The following MSRA variants were observed in gnomAD, a reference collection of about 807,000 sequenced individuals.
MSRA encodes mitochondrial peptide methionine sulfoxide reductase.
Under a neutral mutation model 31.3 loss-of-function variants are expected in MSRA, and 54 were observed. The ratio of observed to expected loss-of-function variants is 1.73; its 90% CI spans 1.39 to 2.17. The LOEUF (loss-of-function observed/expected upper bound fraction) is 2.17, where lower values mean the gene tolerates loss of function less well. Among genes scored for constraint, MSRA ranks in the 30% most tolerant of loss-of-function variants. The pLI, the probability that MSRA is intolerant of heterozygous loss-of-function variation, is 0.00. For synonymous variants in MSRA, 169 were observed against 116.5 expected, an observed-to-expected ratio of 1.45 and a Z score of -2.90; for missense variants, 507 against 300.9, an observed-to-expected ratio of 1.69 and a Z score of -5.07.
At chr8:10,390,662 C>T (rs1806684186) in intron 5 of MSRA, among the ~76,000 whole-genome samples, 2 of 152,132 alleles carry the variant, frequency 1.3e-5, no homozygotes, top group South Asian at 4.1e-4. Flanking sequence ...TTTGCACTGG[C>T]CTGCTGGATC....
At chr8:10,379,715 A>G (rs1409675447) in intron 5 of MSRA, among the ~76,000 whole-genome samples, 1 of 152,220 alleles carries the variant, frequency 6.6e-6, no homozygotes. Flanking sequence ...TTATTTTGTT[A>G]GGATAAATTC....
At chr8:10,091,303 TAA>T (rs1337664287) in intron 1 of MSRA, among the ~76,000 whole-genome samples, 1 of 152,254 alleles carries the variant, frequency 6.6e-6, no homozygotes, top group Non-Finnish European at 1.5e-5. Context: ...TTATGGTGTA[TAA>T]CATATTTGCA....
intron 5 of MSRA, among the ~76,000 whole-genome samples, chr8:10,358,780 G>C (rs535366033): frequency 2.7e-5 from 4 of 148,350 alleles, no homozygotes; most frequent in Admixed American, 1.3e-4. Context: ...TTTTAGTAGA[G>C]ACGGGGTTTC....
intron 1 of MSRA, among the ~76,000 whole-genome samples, chr8:10,164,553 A>G (rs1052767191): frequency 3.3e-5 from 5 of 152,218 alleles, no homozygotes; most frequent in South Asian, 2.1e-4. Flanking sequence ...AAACAACCCA[A>G]TGTCACAGAG....
intron 1 of MSRA, among the ~76,000 whole-genome samples, chr8:10,099,880 G>A (rs1478723809): frequency 6.6e-6 from 1 of 152,170 alleles, no homozygotes; most frequent in East Asian, 1.9e-4. Context: ...TTTTCCCAAA[G>A]CATCCCATAT....
Position 10,216,658 on chromosome 8 carries a change from T to G in MSRA, c.211+8757T>G, listed in dbSNP as rs114009502. The stretch of plus-strand genomic sequence containing the variant: ...GACTACTCTAGGGACCTCCTATAGA[T>G]AGAATCATGCAGTATTTACCCTTTT... On this transcript the variant is annotated intron_variant, in intron 2 of 5. Coordinates refer to ENST00000317173, the MANE Select transcript of MSRA (RefSeq NM_012331.5). Among the ~76,000 whole-genome samples the G allele has an allele frequency of 6.0e-3, 917 of 152,358 alleles. 8 individuals carry two copies. The highest frequency in any genetic ancestry group is 0.021 in the African/African-American group (882 of 41,582).
At chr8:10,072,068 A>C (rs1355016116) in intron 1 of MSRA, among the ~76,000 whole-genome samples, 1 of 35,914 alleles carries the variant, frequency 2.8e-5, no homozygotes, top group Middle Eastern at 0.015. Flanking sequence ...GGGAACAGAT[A>C]GAGCAATGAG....
intron 5 of MSRA, among the ~76,000 whole-genome samples, chr8:10,416,109 C>G (rs565987517): frequency 2.0e-5 from 3 of 152,106 alleles, no homozygotes; most frequent in Non-Finnish European, 4.4e-5. Flanking sequence ...GCACCTGGCA[C>G]GGCACCTGCT....
intron 5 of MSRA, chr8:10,337,270 C>T (rs1160173215): frequency 6.4e-6 from 1 of 155,156 alleles, no homozygotes; most frequent in Non-Finnish European, 1.4e-5. Flanking sequence ...AGCTCCACCT[C>T]GTGGGTTCAC....
At chr8:10,400,378 T>A (rs865883444) in intron 5 of MSRA, among the ~76,000 whole-genome samples, 9 of 110,260 alleles carry the variant, frequency 8.2e-5, no homozygotes, top group African/African-American at 1.2e-4. Flanking sequence ...TGTGTGTGTG[T>A]GTGTGTAGTG....
intron 5 of MSRA, among the ~76,000 whole-genome samples, chr8:10,340,434 G>A (rs1009783720): frequency 5.9e-5 from 9 of 152,214 alleles, no homozygotes; most frequent in Admixed American, 4.6e-4. Context: ...GTGCAGTGGC[G>A]TGATCTTGGC....
At chr8:10,060,298 G>C (rs1179495418) in intron 1 of MSRA, among the ~76,000 whole-genome samples, 4 of 152,222 alleles carry the variant, frequency 2.6e-5, no homozygotes, top group African/African-American at 9.7e-5. Context: ...TGGAACATCT[G>C]TGTGAATGGG....
chr8:10,331,608 T>C (rs1416147322), intron 5 of MSRA, among the ~76,000 whole-genome samples: 1 of 152,304 alleles, frequency 6.6e-6, no homozygotes, highest in East Asian at 1.9e-4. Context: ...TTTTCACCCA[T>C]GCTGTGTGGC....
chr8:10,174,686 G>T (rs1304867574), intron 1 of MSRA, among the ~76,000 whole-genome samples: 1 of 151,980 alleles, frequency 6.6e-6, no homozygotes, highest in African/African-American at 2.4e-5. Flanking sequence ...CCGCCCTCTT[G>T]CTCCATCTTT....
At chr8:10,093,973 C>A (rs1408815099) in intron 1 of MSRA, among the ~76,000 whole-genome samples, 1 of 152,226 alleles carries the variant, frequency 6.6e-6, no homozygotes. Context: ...GAGAAATCGG[C>A]TGTTAATCTT....
chr8:10,407,303 C>T (rs2129186810), intron 5 of MSRA, among the ~76,000 whole-genome samples: 1 of 152,298 alleles, frequency 6.6e-6, no homozygotes, highest in Middle Eastern at 3.4e-3. Flanking sequence ...CCCCTGGGTC[C>T]TGGGCAGGGT....
intron 1 of MSRA, among the ~76,000 whole-genome samples, chr8:10,134,565 A>T (rs561749963): frequency 1.3e-5 from 2 of 152,304 alleles, no homozygotes; most frequent in Non-Finnish European, 2.9e-5. Context: ...CGGCCAAGGG[A>T]TTCATCCTGC....
At chr8:10,425,406 C>G (rs1357398155) in intron 5 of MSRA, among the ~76,000 whole-genome samples, 2 of 152,230 alleles carry the variant, frequency 1.3e-5, no homozygotes, top group Non-Finnish European at 2.9e-5. Context: ...CCGGGCTCCC[C>G]AAGGGGGTCC....
At chr8:10,340,841 G>C (rs1302861497) in intron 5 of MSRA, among the ~76,000 whole-genome samples, 1 of 152,246 alleles carries the variant, frequency 6.6e-6, no homozygotes, top group Non-Finnish European at 1.5e-5. Context: ...TCTCACATCA[G>C]CTTCTCTGTT....
Sources: gnomAD v4.1 joint callset for allele counts (sites outside exome capture counted in the v4.1 genomes callset) on GRCh38, gnomAD v4.1.1 for gene constraint, MANE v1.5 for transcripts, NCBI Gene and HGNC (gene_info 2026-07-23, HGNC 2026-07-21) for gene names.